The following CARS1 variants were observed in gnomAD, a reference collection of about 807,000 sequenced individuals.
The protein encoded by CARS1 is cysteine--tRNA ligase, cytoplasmic.
A neutral mutation model predicts 106.2 loss-of-function variants in CARS1; 48 were observed. The ratio of observed to expected loss-of-function variants is 0.45; its 90% CI spans 0.36 to 0.57. CARS1 has a LOEUF of 0.57. Ranked by LOEUF, CARS1 falls within the 20% of genes least tolerant of loss-of-function variation. CARS1 has a pLI of 0.00. For synonymous variants in CARS1, 409 were observed against 403.4 expected, an observed-to-expected ratio of 1.01 and a Z score of -0.17; for missense variants, 968 against 1,057.2, an observed-to-expected ratio of 0.92 and a Z score of 1.17.
At position 3,004,289 on chromosome 11, in the gene CARS1, T is replaced by A. The variant is rs1384019033; in HGVS notation, c.2217+1077A>T. ...CCAGTTCGTTATTCCTCCAAAGCAC[T>A]GCAAACTCCAGCCACCCACACTTGG... is the stretch of plus-strand genomic sequence containing the variant. On this transcript the variant is annotated intron_variant, in intron 20 of 22. Coordinates refer to ENST00000380525, the MANE Select transcript of CARS1 (RefSeq NM_001014437.3). This position sits in a 1 kb window ranked among gnomAD's most constrained non-coding sequence, Gnocchi z 5.2. Among the ~76,000 whole-genome samples, 1 of 152,172 alleles carries A rather than the reference T, an allele frequency of 6.6e-6. No individual in the cohort carries two copies. Among genetic ancestry groups the A allele is most frequent in the Non-Finnish European group, 1.5e-5 (1 of 68,028 alleles).
chr11:3,057,203 C>G, intron 1 of CARS1, 140 bp downstream of exon 1: 1 of 744,352 alleles, frequency 1.3e-6, no homozygotes. Context: ...TGCCGCCCCT[C>G]AGACCACGGA....
In CARS1 at chr11:3,020,530, C is replaced by T. The variant is rs180982955; in HGVS notation, c.1154-198G>A. ...TGACCCAGTGTCTAGATTTACAAAA[C>T]GGTACATAATCCCCAAAGTCACCAG... is the stretch of plus-strand genomic sequence containing the variant. On this transcript the variant is annotated intron_variant, in intron 10 of 22. Transcript: ENST00000380525. This position sits in a 1 kb window ranked among gnomAD's most constrained non-coding sequence, Gnocchi z 4.6. Among the ~76,000 whole-genome samples, 5 of 152,334 alleles carry T rather than the reference C, an allele frequency of 3.3e-5. No individual in the cohort carries two copies. Among genetic ancestry groups the T allele is most frequent in the South Asian group, 2.1e-4 (1 of 4,830 alleles).
At position 3,004,255 on chromosome 11, in the gene CARS1, C is replaced by G. The variant is rs536149558; in HGVS notation, c.2217+1111G>C. ...CCACTCACCACTGTCTAGAGCTTTC[C>G]CCAGAGTTCCAGTTCGTTATTCCTC... On this transcript the variant is annotated intron_variant, in intron 20 of 22. Coordinates refer to ENST00000380525, the MANE Select transcript of CARS1 (RefSeq NM_001014437.3). This position sits in a 1 kb window ranked among gnomAD's most constrained non-coding sequence, Gnocchi z 5.2. 2.6e-5 allele frequency among the ~76,000 whole-genome samples: 4 copies of G among 152,326 alleles called. No individual in the cohort carries two copies. Among genetic ancestry groups the G allele is most frequent in the African/African-American group, 9.6e-5 (4 of 41,580 alleles).
intron 7 of CARS1, among the ~76,000 whole-genome samples, chr11:3,036,840 G>A (rs1000552462): frequency 1.2e-4 from 18 of 152,162 alleles, no homozygotes; most frequent in African/African-American, 4.3e-4. Context: ...GTATCATTCA[G>A]CCATAGGAAG....
In CARS1 at chr11:3,052,480, AC is replaced by A. The variant is rs1197677274; in HGVS notation, c.26-4480del. Among the ~76,000 whole-genome samples the A allele has an allele frequency of 6.6e-6, 1 of 152,088 alleles. No homozygotes were observed. Among genetic ancestry groups the A allele is most frequent in the African/African-American group, 2.4e-5 (1 of 41,400 alleles). On this transcript the variant is annotated intron_variant, in intron 1 of 22. Transcript: ENST00000380525. This position sits in a 1 kb window ranked among gnomAD's most constrained non-coding sequence, Gnocchi z 4.6. ...CCTGGAGTTTTCCTAGGGCTCACAC[AC>A]CCATTTTTATTTAATTAATTTTATT...
At chr11:3,016,882 G>A (rs1170606698) in intron 16 of CARS1, among the ~76,000 whole-genome samples, 1 of 152,342 alleles carries the variant, frequency 6.6e-6, no homozygotes, top group East Asian at 1.9e-4. Flanking sequence ...CACAGTGTTG[G>A]ATTATAGATG....
chr11:3,032,931 G>A (rs1300752703), intron 7 of CARS1, among the ~76,000 whole-genome samples: 3 of 151,680 alleles, frequency 2.0e-5, no homozygotes, highest in African/African-American at 7.3e-5. Context: ...CAGGTTCGCT[G>A]ACTGTAAGAA....
chr11:3,019,233 A>C lies in CARS1; in HGVS notation c.1301T>G (p.Met434Arg). 1 of 1,484,142 alleles carries C rather than the reference A, an allele frequency of 6.7e-7. No homozygotes were observed. The highest frequency in any genetic ancestry group is 9.0e-7 in the Non-Finnish European group (1 of 1,113,664). 91.9% of individuals were successfully genotyped at this position (1,484,142 alleles called of 1,614,324 possible). A position where few individuals can be genotyped will look rare whatever the true frequency, so the allele number is the denominator to read the frequency against. Reference protein sequence around the residue: ...RPGWHIECSAMAGTLLGASMD... With the variant: ...RPGWHIECSARAGTLLGASMD... ...CGAAGCCCCTAGGAGGGTGCCTGCCATGGCCGAGCACTCGATATGCCAGCC... is the reference window on the plus strand; with the variant it reads ...CGAAGCCCCTAGGAGGGTGCCTGCCCTGGCCGAGCACTCGATATGCCAGCC... The change falls in exon 12 of 23, where the codon ATG (methionine) becomes AGG (arginine). Residue 434 changes from methionine (M) to arginine (R), a missense_variant. Physicochemically the swap from Met to Arg is moderately conservative, Grantham distance 91. Transcript: ENST00000380525. This position sits in a 1 kb window ranked among gnomAD's most constrained non-coding sequence, Gnocchi z 6.2.
intron 3 of CARS1, 79 bp downstream of exon 3, chr11:3,042,086 G>T: frequency 9.8e-7 from 1 of 1,019,806 alleles, no homozygotes; most frequent in Non-Finnish European, 1.5e-6. Flanking sequence ...GAAGTCTGTT[G>T]TGCGACAAGG....
chr11:3,042,348 G>C (rs1854575853), intron 2 of CARS1, 92 bp from the exon 3 acceptor site: 1 of 807,002 alleles, frequency 1.2e-6, no homozygotes, highest in Non-Finnish European at 2.0e-6. Context: ...TTTACAACGG[G>C]ACCATAGTTT....
rs1853067010 is a variant in CARS1, at chr11:3,032,990, G to A, written c.802-3547C>T. ...TGCTGGGGGAGGTGACGGTGAGGTG[G>A]GTAGGGGATATATATAGCCTCTCAA... On this transcript the variant is annotated intron_variant, in intron 7 of 22. Transcript: ENST00000380525. Among the ~76,000 whole-genome samples the A allele has an allele frequency of 2.0e-5, 3 of 151,788 alleles. No homozygotes were observed. In the South Asian group the frequency reaches 6.3e-4, roughly 32 times the overall value.
At chr11:3,016,746 T>C (rs1851048019) in intron 16 of CARS1, among the ~76,000 whole-genome samples, 1 of 151,904 alleles carries the variant, frequency 6.6e-6, no homozygotes, top group Non-Finnish European at 1.5e-5. Flanking sequence ...CCCAAGCAGC[T>C]GGAAAACAGG....
chr11:3,040,341 G>T lies in CARS1; in HGVS notation c.456-410C>A. On this transcript the variant is annotated intron_variant, in intron 4 of 22. Coordinates refer to ENST00000380525, the MANE Select transcript of CARS1 (RefSeq NM_001014437.3). The surrounding 1 kb of genome is among the most constrained non-coding windows in gnomAD (Gnocchi z 5.8). The stretch of plus-strand genomic sequence containing the variant: ...AAGTTATGTGTGGATTTTCAACTGT[G>T]CAGAGGGTCACACCCTCTACCCTCC... 1 of 349,244 alleles carries T rather than the reference G, an allele frequency of 2.9e-6. No individual in the cohort carries two copies. The highest frequency in any genetic ancestry group is 5.5e-6 in the Non-Finnish European group (1 of 180,202). The allele number at this position is 349,244 out of a possible 1,614,324, so 21.6% of individuals were successfully genotyped here.
At position 3,029,212 on chromosome 11, in the gene CARS1, C is replaced by T. The variant is rs111983585; in HGVS notation, c.942+91G>A. 6.6e-3 allele frequency: 9,913 copies of T among 1,506,126 alleles called. 552 individuals carry two copies. The African/African-American group carries it at 0.12, about 18-fold the overall frequency. The allele number at this position is 1,506,126 out of a possible 1,614,324, so 93.3% of individuals were successfully genotyped here. On this transcript the variant is annotated intron_variant, in intron 8 of 22. Coordinates refer to ENST00000380525, the MANE Select transcript of CARS1 (RefSeq NM_001014437.3). The surrounding 1 kb of genome is among the most constrained non-coding windows in gnomAD (Gnocchi z 5.9). The stretch of plus-strand genomic sequence containing the variant: ...AACTCAAGTTCAATGTTGACTTGGC[C>T]GCTTAATTGAGCTGGCCTTGCCAAA...
In CARS1 at chr11:3,021,108, G is replaced by A. The variant is rs1468956750; in HGVS notation, c.1154-776C>T. Among the ~76,000 whole-genome samples the A allele has an allele frequency of 6.6e-6, 1 of 152,164 alleles. No homozygotes were observed. The highest frequency in any genetic ancestry group is 1.5e-5 in the Non-Finnish European group (1 of 68,028). Reference sequence around the variant, plus strand: ...GTGACACTCAGCCACCTGACACTCAGGGTACAAGGCGGTCTGAGTCCCCAG... The same window carrying A: ...GTGACACTCAGCCACCTGACACTCAAGGTACAAGGCGGTCTGAGTCCCCAG... On this transcript the variant is annotated intron_variant, in intron 10 of 22. Coordinates refer to ENST00000380525, the MANE Select transcript of CARS1 (RefSeq NM_001014437.3). This position sits in a 1 kb window ranked among gnomAD's most constrained non-coding sequence, Gnocchi z 5.3.
rs192028013 is a variant in CARS1, at chr11:3,037,248, C to T, written c.801+802G>A. On this transcript the variant is annotated intron_variant, in intron 7 of 22. Transcript: ENST00000380525. This position sits in a 1 kb window ranked among gnomAD's most constrained non-coding sequence, Gnocchi z 5.9. The stretch of plus-strand genomic sequence containing the variant: ...CCGTGAAGTTTGGAAACAGGCGCAA[C>T]GAAGCGATCTGCTGAGTCAGGACAC... Among the ~76,000 whole-genome samples the T allele has an allele frequency of 7.9e-5, 12 of 152,266 alleles. No homozygotes were observed. In the East Asian group the frequency reaches 1.7e-3, roughly 22 times the overall value.
intron 10 of CARS1, among the ~76,000 whole-genome samples, chr11:3,025,363 G>C (rs1851946718): frequency 6.6e-6 from 1 of 152,182 alleles, no homozygotes. Context: ...GAGTAGCTGG[G>C]ATTACAGGCA....
intron 10 of CARS1, 45 bp downstream of exon 10, chr11:3,026,631 G>A: frequency 6.2e-7 from 1 of 1,605,924 alleles, no homozygotes; most frequent in Non-Finnish European, 8.5e-7. Flanking sequence ...ACCCAGGCTG[G>A]GCCAGGAGGG....
chr11:3,036,400 G>A (rs1051160297), intron 7 of CARS1, among the ~76,000 whole-genome samples: 1 of 152,062 alleles, frequency 6.6e-6, no homozygotes, highest in African/African-American at 2.4e-5. Context: ...TGTCCACCTA[G>A]AGACAACACA....
Sources: gnomAD v4.1 joint callset for allele counts (sites outside exome capture counted in the v4.1 genomes callset) on GRCh38, gnomAD v4.1.1 for gene constraint, Gnocchi (gnomAD v3.1) non-coding constraint, MANE v1.5 for transcripts, NCBI Gene and HGNC (gene_info 2026-07-23, HGNC 2026-07-21) for gene names.